SYNE1: variants seen among roughly 807,000 people sequenced by gnomAD.
SYNE1 encodes nesprin-1.
A neutral mutation model predicts 1,111.0 loss-of-function variants in SYNE1; 616 were observed. That is an observed-to-expected ratio of 0.55 (90% CI 0.52 to 0.59). SYNE1 has a LOEUF of 0.59. SYNE1 is among the 20% of genes least tolerant of loss of function. The probability of loss-of-function intolerance (pLI) is 0.00; values close to 1 mark genes in which losing one functional copy is unlikely to be tolerated. For synonymous variants in SYNE1, 3,855 were observed against 3,825.8 expected (o/e 1.01, Z -0.28); for missense variants, 10,006 against 10,417.0 (o/e 0.96, Z 1.72).
At chr6:152,329,400 G>A (rs1432643121) in intron 78 of SYNE1, among the ~76,000 whole-genome samples, 1 of 152,138 alleles carries the variant, frequency 6.6e-6, no homozygotes, top group Non-Finnish European at 1.5e-5. Flanking sequence ...GATGGCGGGT[G>A]CCTGTAATCC....
chr6:152,450,723 T>G lies in SYNE1; in HGVS notation c.3297A>C (p.Gly1099=), dbSNP rs144502404. ...GCTCTTTGAGAGTCACGTGACAGGT[T>G]CCAGGTGTGTCCCTTACTGGGTCCC... ...PVRDPVRDTP[G]TCHVTLKELR... The change falls in exon 27 of 146, where the codon GGA becomes GGC. Residue 1099 remains glycine (G), a synonymous_variant. Coordinates refer to ENST00000367255, the MANE Select transcript of SYNE1 (RefSeq NM_182961.4). 3 of 1,614,040 alleles carry G rather than the reference T, an allele frequency of 1.9e-6. No individual in the cohort carries two copies. The African/African-American group carries it at 4.0e-5, about 22-fold the overall frequency.
chr6:152,636,083 G>A (rs1489252260), intron 2 of SYNE1, among the ~76,000 whole-genome samples: 1 of 152,196 alleles, frequency 6.6e-6, no homozygotes, highest in Non-Finnish European at 1.5e-5. Flanking sequence ...TTTATAAAGA[G>A]GAGACGAAAG....
intron 100 of SYNE1, among the ~76,000 whole-genome samples, chr6:152,266,057 T>C (rs1337543755): frequency 6.6e-6 from 1 of 152,178 alleles, no homozygotes; most frequent in Non-Finnish European, 1.5e-5. Flanking sequence ...GGCTGAGCTG[T>C]TATCAACTGC....
chr6:152,376,541 G>C lies in SYNE1; in HGVS notation c.9164C>G (p.Ser3055Cys). 6.2e-7 allele frequency: 1 copy of C among 1,613,950 alleles called. No individual in the cohort carries two copies. The highest frequency in any genetic ancestry group is 8.5e-7 in the Non-Finnish European group (1 of 1,180,008). The change falls in exon 58 of 146, where the codon TCC (serine) becomes TGC (cysteine). Residue 3055 changes from serine to cysteine, a missense_variant. Ser to Cys is a moderately radical substitution (Grantham distance 112). Around this residue, in one of 7 missense-constraint regions of SYNE1, gnomAD observed 4,955 missense variants for 5,017.2 expected, o/e 0.99. Coordinates refer to ENST00000367255, the MANE Select transcript of SYNE1 (RefSeq NM_182961.4). ...CTGTTCTTTATTCTGGCAGCCCTTG[G>C]ATGCTTGCAAACAAAGACTGAAAAG... ...KEYNCLCLQA[S>C]KGCQNKEQIL...
intron 59 of SYNE1, among the ~76,000 whole-genome samples, chr6:152,372,743 G>A (rs1190612661): frequency 6.6e-6 from 1 of 152,196 alleles, no homozygotes; most frequent in East Asian, 1.9e-4. Context: ...CAGTTCACAT[G>A]AAAGGCTAAG....
In SYNE1 at chr6:152,283,968, TA is replaced by T; in HGVS notation, c.18207+9del. 6.2e-7 allele frequency: 1 copy of T among 1,612,118 alleles called. No individual in the cohort carries two copies. Among genetic ancestry groups the T allele is most frequent in the Non-Finnish European group, 8.5e-7 (1 of 1,178,180 alleles). On this transcript the variant is annotated intron_variant, in intron 96 of 145. Transcript: ENST00000367255. ...AGAAGTGAGGAGGCCACTTTACAGT[TA>T]TTGGTTACCTCCAAAAGCTGCCGTT...
At chr6:152,311,110 C>A in intron 87 of SYNE1, 2 of 545,398 alleles carry the variant, frequency 3.7e-6, no homozygotes, top group Non-Finnish European at 6.6e-6. Flanking sequence ...TGTCATACTA[C>A]GTGTGGGACC....
At chr6:152,263,431 C>T (rs138143786) in intron 100 of SYNE1, among the ~76,000 whole-genome samples, 1 of 152,132 alleles carries the variant, frequency 6.6e-6, no homozygotes, top group African/African-American at 2.4e-5. Context: ...CACTCTGTCA[C>T]CCAAGCTGGT....
chr6:152,134,589 G>A (rs894612117), intron 142 of SYNE1: 5 of 166,326 alleles, frequency 3.0e-5, no homozygotes, highest in Non-Finnish European at 6.4e-5. Context: ...GAATTGGCAG[G>A]AGAATTGCTC....
In SYNE1 at chr6:152,596,243, G is replaced by A. The variant is rs377508347; in HGVS notation, c.67+32022C>T. On this transcript the variant is annotated intron_variant, in intron 3 of 145. Coordinates refer to ENST00000367255, the MANE Select transcript of SYNE1 (RefSeq NM_182961.4). ...TTTGACCATTTTCTTGTTTTAAAAA[G>A]TTATGATTACAGTTTTTTGTTTGTT... Among the ~76,000 whole-genome samples the A allele has an allele frequency of 5.4e-4, 79 of 146,212 alleles. 1 individual carries two copies. The East Asian group carries it at 0.011, about 20-fold the overall frequency.
At chr6:152,390,505 T>C (rs549476045) in intron 52 of SYNE1, 53 bp from the exon 53 acceptor site, 2 of 1,581,520 alleles carry the variant, frequency 1.3e-6, no homozygotes, top group Admixed American at 1.7e-5. Context: ...CCTTCTTCTA[T>C]TTTAAAAAAA....
chr6:152,296,861 T>C (rs1427231722), intron 93 of SYNE1, among the ~76,000 whole-genome samples: 2 of 151,982 alleles, frequency 1.3e-5, no homozygotes, highest in Admixed American at 6.6e-5. Flanking sequence ...CAGGCCTCTG[T>C]AGTCCCTCCT....
rs201078255 is a variant in SYNE1, at chr6:152,319,025, T to A, written c.16237-10A>T. ...TTATTTTGTCTTGGATCTAAAAAAA[T>A]CAGTAAGAACAGCAAAACAAGCCAT... On this transcript the variant is annotated splice_polypyrimidine_tract_variant and intron_variant, in intron 84 of 145. Coordinates refer to ENST00000367255, the MANE Select transcript of SYNE1 (RefSeq NM_182961.4). The A allele has an allele frequency of 3.7e-5, 60 of 1,613,876 alleles. No individual in the cohort carries two copies. The highest frequency in any genetic ancestry group is 3.3e-4 in the Middle Eastern group (2 of 6,062).
rs370314344 is a variant in SYNE1, at chr6:152,326,391, G to A, written c.15198C>T (p.Thr5066=). ...VATLDPLIKP[T]GKEDLEQKVA... ...CTTTCTGTTCTAGGTCTTCTTTGCCGGTTGGCTTGATGAGTGGGTCCAGGG... is the reference window on the plus strand; with the variant it reads ...CTTTCTGTTCTAGGTCTTCTTTGCCAGTTGGCTTGATGAGTGGGTCCAGGG... The change falls in exon 79 of 146, where the codon ACC becomes ACT. Residue 5066 remains threonine, a synonymous_variant. Coordinates refer to ENST00000367255, the MANE Select transcript of SYNE1 (RefSeq NM_182961.4). 2.8e-5 allele frequency: 45 copies of A among 1,614,038 alleles called. No homozygotes were observed. The highest frequency in any genetic ancestry group is 6.7e-5 in the Admixed American group (4 of 59,996).
Position 152,331,103 on chromosome 6 carries a change from C to T in SYNE1, c.13582G>A (p.Glu4528Lys), listed in dbSNP as rs1270841379. 6.2e-7 allele frequency: 1 copy of T among 1,614,020 alleles called. No individual in the cohort carries two copies. Among genetic ancestry groups the T allele is most frequent in the African/African-American group, 1.3e-5 (1 of 74,914 alleles). Reference protein sequence around the residue: ...RELMKEVTEQEKSEVLGKLQE... With the variant: ...RELMKEVTEQKKSEVLGKLQE... The stretch of plus-strand genomic sequence containing the variant: ...AGCTTCCCCAGCACTTCACTCTTTT[C>T]CTGCTCTGTGACTTCCTTCATTAGT... The change falls in exon 78 of 146, where the codon GAA becomes AAA. Residue 4528 changes from glutamate (E) to lysine (K), a missense_variant. Glu to Lys is a moderately conservative substitution (Grantham distance 56, BLOSUM62 1). Around this residue, in one of 7 missense-constraint regions of SYNE1, gnomAD observed 4,955 missense variants for 5,017.2 expected, o/e 0.99. Transcript: ENST00000367255.
At chr6:152,386,048 T>C (rs1382101672) in intron 54 of SYNE1, among the ~76,000 whole-genome samples, 1 of 152,216 alleles carries the variant, frequency 6.6e-6, no homozygotes, top group Non-Finnish European at 1.5e-5. Flanking sequence ...TCCTGTAAGT[T>C]TACTATTTTC....
rs113984705 is a variant in SYNE1, at chr6:152,597,838, C to T, written c.67+30427G>A. On this transcript the variant is annotated intron_variant, in intron 3 of 145. Coordinates refer to ENST00000367255, the MANE Select transcript of SYNE1 (RefSeq NM_182961.4). ...CTCTAGAAAATCTCCCTTTTTCTTT[C>T]GCTATAGCAACTATGGTAGTGAGTA... Among the ~76,000 whole-genome samples, 365 of 152,056 alleles carry T rather than the reference C, an allele frequency of 2.4e-3. 2 individuals carry two copies. The highest frequency in any genetic ancestry group is 8.3e-3 in the African/African-American group (346 of 41,500).
At chr6:152,140,650 C>T (rs991345203) in intron 139 of SYNE1, among the ~76,000 whole-genome samples, 8 of 151,646 alleles carry the variant, frequency 5.3e-5, no homozygotes, top group Admixed American at 1.3e-4. Context: ...GGCAACACAG[C>T]GAGACTTCAT....
At chr6:152,559,482 T>C (rs766439146) in intron 3 of SYNE1, among the ~76,000 whole-genome samples, 1 of 152,006 alleles carries the variant, frequency 6.6e-6, no homozygotes, top group Admixed American at 6.5e-5. Flanking sequence ...ATCAGTAATA[T>C]GAAGAAAATT....
Sources: allele counts gnomAD v4.1 joint callset (sites outside exome capture counted in the v4.1 genomes callset), GRCh38; gene constraint gnomAD v4.1.1; regional missense constraint gnomAD v4.1.1; transcripts MANE v1.5; gene names NCBI Gene and HGNC (gene_info 2026-07-23, HGNC 2026-07-21).